The following UAP1L1 variants were observed in gnomAD, a reference collection of about 807,000 sequenced individuals.
UAP1L1 encodes UDP-N-acetylhexosamine pyrophosphorylase-like protein 1.
In UAP1L1, 45 loss-of-function variants were observed where a neutral mutation model predicts 45.3. That is an observed-to-expected ratio of 0.99 (90% CI 0.78 to 1.27). The LOEUF (loss-of-function observed/expected upper bound fraction) is 1.27, where lower values mean the gene tolerates loss of function less well. UAP1L1 is among the 50% of genes most tolerant of loss of function. The pLI is 0.00. For synonymous variants in UAP1L1, 323 were observed against 303.9 expected (o/e 1.06, Z -0.65); for missense variants, 667 against 694.0 (o/e 0.96, Z 0.44).
At chr9:137,080,435 G>A (rs868532994) in intron 6 of UAP1L1, 6 of 587,464 alleles carry the variant, frequency 1.0e-5, no homozygotes, top group Admixed American at 3.3e-5. Flanking sequence ...TTGCCAGGGC[G>A]GCTCGCAGGG....
Position 137,083,444 on chromosome 9 carries a change from C to T in UAP1L1, c.*715C>T, listed in dbSNP as rs1036429419. 1 of 152,592 alleles carries T rather than the reference C, an allele frequency of 6.6e-6. No homozygotes were observed. The highest frequency in any genetic ancestry group is 1.9e-4 in the East Asian group (1 of 5,200). 9.5% of individuals were successfully genotyped at this position (152,592 alleles called of 1,614,324 possible). ...CTCCTGCCTTCTCCCCATCTATCCC[C>T]AAGGCCTCTGCCTCTCAGCCTCTTC... On this transcript the variant is annotated 3_prime_UTR_variant, in exon 9 of 9. Coordinates refer to ENST00000409858, the MANE Select transcript of UAP1L1 (RefSeq NM_207309.3).
Position 137,080,675 on chromosome 9 carries a change from C to G in UAP1L1, c.1179-14C>G. 1.2e-6 allele frequency: 2 copies of G among 1,604,162 alleles called. 1 individual carries two copies. The highest frequency in any genetic ancestry group is 2.2e-5 in the South Asian group (2 of 89,404). On this transcript the variant is annotated splice_polypyrimidine_tract_variant and intron_variant, in intron 6 of 8. Transcript: ENST00000409858. ...CTGTGCTGGGACGTGGGTGACTAGC[C>G]CTTTCCCCACCAGGAACTTTGCTGC... is the stretch of plus-strand genomic sequence containing the variant.
In UAP1L1 at chr9:137,082,501, C is replaced by T. The variant is rs1832805120; in HGVS notation, c.1432-136C>T. ...GTGTGTCTGCTCCTGGCCCTGGAAG[C>T]CTTTCTGTCCCCACCCCTCCCTGAC... On this transcript the variant is annotated intron_variant, in intron 8 of 8. Coordinates refer to ENST00000409858, the MANE Select transcript of UAP1L1 (RefSeq NM_207309.3). The surrounding 1 kb of genome is among the most constrained non-coding windows in gnomAD (Gnocchi z 5.7). 2 of 700,120 alleles carry T rather than the reference C, an allele frequency of 2.9e-6. No homozygotes were observed. Among genetic ancestry groups the T allele is most frequent in the Non-Finnish European group, 4.9e-6 (2 of 408,852 alleles). The allele number at this position is 700,120 out of a possible 1,614,324, so 43.4% of individuals were successfully genotyped here. A position where few individuals can be genotyped will look rare whatever the true frequency, so the allele number is the denominator to read the frequency against.
intron 6 of UAP1L1, chr9:137,080,352 G>T: frequency 1.6e-6 from 1 of 632,170 alleles, no homozygotes. Flanking sequence ...CTGTGGACTT[G>T]GGAGGACAGT....
At position 137,077,562 on chromosome 9, in the gene UAP1L1, G is replaced by A. The variant is rs1187179173; in HGVS notation, c.30G>A (p.Arg10=). MASEQDVRA[R]LQRAGQEHLL... is the part of the protein sequence containing the mutation. ...CTTCGGAGCAGGACGTGCGCGCCCG[G>A]CTGCAGCGCGCTGGCCAGGAGCACC... is the stretch of plus-strand genomic sequence containing the variant. The change falls in exon 1 of 9, where the codon CGG becomes CGA. Residue 10 remains arginine (R), a synonymous_variant. Transcript: ENST00000409858. This position sits in a 1 kb window ranked among gnomAD's most constrained non-coding sequence, Gnocchi z 4.7. 1 of 1,393,438 alleles carries A rather than the reference G, an allele frequency of 7.2e-7. No individual in the cohort carries two copies. The highest frequency in any genetic ancestry group is 9.4e-7 in the Non-Finnish European group (1 of 1,067,022). The allele number at this position is 1,393,438 out of a possible 1,614,324, so 86.3% of individuals were successfully genotyped here. A position where few individuals can be genotyped will look rare whatever the true frequency, so the allele number is the denominator to read the frequency against.
rs988955624 is a variant in UAP1L1, at chr9:137,077,843, G to A, written c.289+22G>A. 10 of 1,428,094 alleles carry A rather than the reference G, an allele frequency of 7.0e-6. No homozygotes were observed. The South Asian group carries it at 8.9e-5, about 13-fold the overall frequency. 88.5% of individuals were successfully genotyped at this position (1,428,094 alleles called of 1,614,324 possible). A position where few individuals can be genotyped will look rare whatever the true frequency, so the allele number is the denominator to read the frequency against. On this transcript the variant is annotated intron_variant, in intron 1 of 8. Transcript: ENST00000409858. The surrounding 1 kb of genome is among the most constrained non-coding windows in gnomAD (Gnocchi z 4.7). ...GAAGGTAAGCGGGGTGGGAGGCCCT[G>A]GGGGCCGGCAGGGGGTCGTGCCCAC...
intron 5 of UAP1L1, 163 bp from the exon 6 acceptor site, chr9:137,079,839 T>G: frequency 1.2e-6 from 1 of 805,926 alleles, no homozygotes; most frequent in Non-Finnish European, 2.0e-6. Context: ...CTGTGCCTGC[T>G]TCTCCCTGGA....
Position 137,079,435 on chromosome 9 carries a change from T to A in UAP1L1, c.1023T>A (p.Leu341=), listed in dbSNP as rs1184557926. 1.0e-5 allele frequency: 16 copies of A among 1,589,910 alleles called. No homozygotes were observed. The highest frequency in any genetic ancestry group is 1.7e-4 in the Middle Eastern group (1 of 5,990). ...ACCACTTCTTCACCCGAGGCTTCCTTAAGGCGGTCACCAGGTGTGCGGCAG... is the reference window on the plus strand; with the variant it reads ...ACCACTTCTTCACCCGAGGCTTCCTAAAGGCGGTCACCAGGTGTGCGGCAG... ...ICNHFFTRGF[L]KAVTREFEPL... The change falls in exon 5 of 9, where the codon CTT becomes CTA. Residue 341 remains leucine (L), a synonymous_variant. Transcript: ENST00000409858.
Position 137,079,140 on chromosome 9 carries a change from G to A in UAP1L1, c.835G>A (p.Gly279Ser), listed in dbSNP as rs762137837. The A allele has an allele frequency of 6.2e-7, 1 of 1,610,342 alleles. No individual in the cohort carries two copies. The highest frequency in any genetic ancestry group is 1.7e-5 in the Admixed American group (1 of 59,004). Residue 279 changes from glycine (G) to serine (S), a missense_variant, in exon 4 of 9, where the codon GGC (glycine) becomes AGC (serine). By Grantham distance (56) the Gly-to-Ser change is moderately conservative. Coordinates refer to ENST00000409858, the MANE Select transcript of UAP1L1 (RefSeq NM_207309.3). ...CTGTGTGTTGCAGGGCGCAGACTGT[G>A]GCGCCAAGGTTAGCGCCCGACTGCG... ...GFCVLQGADC[G>S]AKVVEKAYPE... is the part of the protein sequence containing the mutation.
chr9:137,077,811 G>A lies in UAP1L1; in HGVS notation c.279G>A (p.Trp93Ter), dbSNP rs1287421763. 4 of 1,398,444 alleles carry A rather than the reference G, an allele frequency of 2.9e-6. No individual in the cohort carries two copies. Among genetic ancestry groups the A allele is most frequent in the Non-Finnish European group, 3.7e-6 (4 of 1,081,386 alleles). 86.6% of individuals were successfully genotyped at this position (1,398,444 alleles called of 1,614,324 possible). ...GCGACCCCGAGACACGGCGGCGCTG[G>A]GAGGAGGAAGGTAAGCGGGGTGGGA... The part of the protein sequence containing the change: ...SRSDPETRRR[W>*]EEEGFRQISL... The change falls in exon 1 of 9, where the codon TGG becomes TGA. Residue 93 changes from tryptophan (W) to a stop codon, truncating the protein, a stop_gained. Coordinates refer to ENST00000409858, the MANE Select transcript of UAP1L1 (RefSeq NM_207309.3). LOFTEE classifies it high-confidence loss of function. This position sits in a 1 kb window ranked among gnomAD's most constrained non-coding sequence, Gnocchi z 4.7.
chr9:137,081,044 G>A (rs1039478550), intron 7 of UAP1L1, among the ~76,000 whole-genome samples, 170 bp downstream of exon 7: 6 of 152,130 alleles, frequency 3.9e-5, no homozygotes, highest in Admixed American at 6.5e-5. Context: ...CAGGTCACAC[G>A]GTGACTGTCG....
chr9:137,081,000 C>T (rs1832780517), intron 7 of UAP1L1, 126 bp downstream of exon 7: 12 of 994,750 alleles, frequency 1.2e-5, no homozygotes, highest in African/African-American at 1.6e-5. Flanking sequence ...CCGGCACCAC[C>T]GCAGGTGCAG....
chr9:137,082,734 C>T lies in UAP1L1; in HGVS notation c.*5C>T, dbSNP rs1158227656. 1.3e-6 allele frequency: 2 copies of T among 1,546,582 alleles called. No individual in the cohort carries two copies. Among genetic ancestry groups the T allele is most frequent in the South Asian group, 1.2e-5 (1 of 83,974 alleles). ...CCGCAGCTGCAGGAGTCCTGACCCG[C>T]CCAGACTGTCCCCAGACTCCCCCGA... On this transcript the variant is annotated 3_prime_UTR_variant, in exon 9 of 9. Transcript: ENST00000409858. This position sits in a 1 kb window ranked among gnomAD's most constrained non-coding sequence, Gnocchi z 5.7.
chr9:137,079,395 C>T lies in UAP1L1; in HGVS notation c.983C>T (p.Ala328Val), dbSNP rs1283559225. The T allele has an allele frequency of 6.2e-7, 1 of 1,606,874 alleles. No homozygotes were observed. Among genetic ancestry groups the T allele is most frequent in the Non-Finnish European group, 8.5e-7 (1 of 1,175,376 alleles). ...RASDGSLLYN[A>V]GNICNHFFTR... ...TCCGACGGGAGCCTGCTGTACAATGCAGGCAACATCTGCAACCACTTCTTC... is the reference window on the plus strand; with the variant it reads ...TCCGACGGGAGCCTGCTGTACAATGTAGGCAACATCTGCAACCACTTCTTC... The change falls in exon 5 of 9, where the codon GCA becomes GTA. Residue 328 changes from alanine to valine, a missense_variant. Transcript: ENST00000409858.
Position 137,082,362 on chromosome 9 carries a change from C to A in UAP1L1, c.1432-275C>A. The A allele has an allele frequency of 1.7e-6, 1 of 596,652 alleles. No individual in the cohort carries two copies. The highest frequency in any genetic ancestry group is 3.0e-5 in the Admixed American group (1 of 33,720). 37.0% of individuals were successfully genotyped at this position (596,652 alleles called of 1,614,324 possible). A position where few individuals can be genotyped will look rare whatever the true frequency, so the allele number is the denominator to read the frequency against. ...GAGGGAGGACACCGGCCTCTGCTAC[C>A]TCCCTGACCTCGGCTGCCCTTGCCC... On this transcript the variant is annotated intron_variant, in intron 8 of 8. Transcript: ENST00000409858. The surrounding 1 kb of genome is among the most constrained non-coding windows in gnomAD (Gnocchi z 5.7).
chr9:137,080,685 C>T lies in UAP1L1; in HGVS notation c.1179-4C>T, dbSNP rs1466816092. 8 of 1,607,594 alleles carry T rather than the reference C, an allele frequency of 5.0e-6. No individual in the cohort carries two copies. Among genetic ancestry groups the T allele is most frequent in the Admixed American group, 1.7e-5 (1 of 59,528 alleles). On this transcript the variant is annotated splice_polypyrimidine_tract_variant and splice_region_variant and intron_variant, in intron 6 of 8. Coordinates refer to ENST00000409858, the MANE Select transcript of UAP1L1 (RefSeq NM_207309.3). ...ACGTGGGTGACTAGCCCTTTCCCCACCAGGAACTTTGCTGCCTTGGAAGTG... is the reference window on the plus strand; with the variant it reads ...ACGTGGGTGACTAGCCCTTTCCCCATCAGGAACTTTGCTGCCTTGGAAGTG...
Position 137,079,061 on chromosome 9 carries a change from G to A in UAP1L1, c.756G>A (p.Val252=). The A allele has an allele frequency of 1.2e-6, 2 of 1,610,620 alleles. No homozygotes were observed. Among genetic ancestry groups the A allele is most frequent in the Non-Finnish European group, 1.7e-6 (2 of 1,179,156 alleles). ...MERRGVEFVH[V]YCVDNILVRL... is the part of the protein sequence containing the mutation. ...GCCGGGGAGTGGAGTTTGTGCACGT[G>A]TACTGTGTGGACAACATCCTGGTGC... Residue 252 remains valine (V), a synonymous_variant, in exon 4 of 9, where the codon GTG becomes GTA. Transcript: ENST00000409858.
At chr9:137,079,512 C>T (rs2131541743) in intron 5 of UAP1L1, 63 bp downstream of exon 5, 2 of 1,494,144 alleles carry the variant, frequency 1.3e-6, no homozygotes, top group East Asian at 2.3e-5. Flanking sequence ...CAGGGACCCG[C>T]GGGGTCCCAG....
At position 137,078,673 on chromosome 9, in the gene UAP1L1, C is replaced by G; in HGVS notation, c.666C>G (p.Ala222=). 5 of 1,611,610 alleles carry G rather than the reference C, an allele frequency of 3.1e-6. No homozygotes were observed. Among genetic ancestry groups the G allele is most frequent in the South Asian group, 1.1e-5 (1 of 90,964 alleles). The part of the protein sequence containing the change: ...ILERKDKVAM[A]PDGNGGLYCA... ...AGCGGAAAGACAAAGTTGCCATGGCCCCAGGTGTGGCCCGTTCCTGAGACG... is the reference window on the plus strand; with the variant it reads ...AGCGGAAAGACAAAGTTGCCATGGCGCCAGGTGTGGCCCGTTCCTGAGACG... The change falls in exon 3 of 9, where the codon GCC becomes GCG. Residue 222 remains alanine (A), a synonymous_variant. Transcript: ENST00000409858.
Sources: gnomAD v4.1 joint callset for allele counts (sites outside exome capture counted in the v4.1 genomes callset) on GRCh38, gnomAD v4.1.1 for gene constraint, Gnocchi (gnomAD v3.1) non-coding constraint, MANE v1.5 for transcripts, NCBI Gene and HGNC (gene_info 2026-07-23, HGNC 2026-07-21) for gene names.